The following FRMD4B variants were observed in gnomAD, a reference collection of about 807,000 sequenced individuals.
FRMD4B encodes FERM domain-containing protein 4B.
A neutral mutation model predicts 141.5 loss-of-function variants in FRMD4B; 74 were observed. The ratio of observed to expected loss-of-function variants is 0.52; its 90% CI spans 0.43 to 0.63. The LOEUF (loss-of-function observed/expected upper bound fraction) is 0.63, where lower values mean the gene tolerates loss of function less well. Ranked by LOEUF, FRMD4B falls within the 30% of genes least tolerant of loss-of-function variation. The pLI, the probability that FRMD4B is intolerant of heterozygous loss-of-function variation, is 0.00. For synonymous variants in FRMD4B, 506 were observed against 467.9 expected, an observed-to-expected ratio of 1.08 and a Z score of -1.05; for missense variants, 1,366 against 1,253.4, an observed-to-expected ratio of 1.09 and a Z score of -1.36.
intron 5 of FRMD4B, 21 bp from the exon 6 acceptor site, chr3:69,250,120 C>A (rs925785346): frequency 6.5e-7 from 1 of 1,536,006 alleles, no homozygotes; most frequent in African/African-American, 1.4e-5. Flanking sequence ...AAAAGGAAAG[C>A]ATCATTGAAC....
At chr3:69,455,574 C>T (rs1705587680) in intron 1 of FRMD4B, among the ~76,000 whole-genome samples, 1 of 152,122 alleles carries the variant, frequency 6.6e-6, no homozygotes, top group African/African-American at 2.4e-5. Context: ...TCCGACGGAA[C>T]ATCAGAAGGA....
intron 1 of FRMD4B, among the ~76,000 whole-genome samples, chr3:69,515,838 T>A (rs941580327): frequency 6.6e-6 from 1 of 152,220 alleles, no homozygotes; most frequent in African/African-American, 2.4e-5. Flanking sequence ...CAATGCTGGT[T>A]AATGTCATAC....
intron 1 of FRMD4B, among the ~76,000 whole-genome samples, chr3:69,517,650 A>T (rs1375753155): frequency 6.6e-6 from 1 of 152,160 alleles, no homozygotes; most frequent in Non-Finnish European, 1.5e-5. Context: ...TGCTGTGAAA[A>T]GAACCGGGCT....
chr3:69,280,427 T>G (rs902287073), intron 5 of FRMD4B, among the ~76,000 whole-genome samples: 1 of 152,164 alleles, frequency 6.6e-6, no homozygotes, highest in Non-Finnish European at 1.5e-5. Context: ...GCTAGTGCAC[T>G]CCTGAAATAT....
intron 1 of FRMD4B, among the ~76,000 whole-genome samples, chr3:69,377,441 T>C (rs1483887): frequency 0.64 from 96,789 of 152,164 alleles, 31,024 homozygotes; most frequent in East Asian, 0.68. Context: ...CTTCACTTTC[T>C]TCCTGCTGCC....
chr3:69,524,146 T>G (rs1700897878), intron 1 of FRMD4B, among the ~76,000 whole-genome samples: 1 of 152,236 alleles, frequency 6.6e-6, no homozygotes. Context: ...TTTCTAATCC[T>G]GCCTGACTTG....
At chr3:69,233,742 A>G (rs2093326915) in intron 7 of FRMD4B, among the ~76,000 whole-genome samples, 1 of 152,160 alleles carries the variant, frequency 6.6e-6, no homozygotes. Flanking sequence ...CAAGAACTCT[A>G]TTTAGTACTG....
At chr3:69,178,376 G>T (rs1160961854) in intron 21 of FRMD4B, among the ~76,000 whole-genome samples, 2 of 152,252 alleles carry the variant, frequency 1.3e-5, no homozygotes, top group African/African-American at 4.8e-5. Context: ...AGCCTTGGTG[G>T]TTAAGATGTT....
chr3:69,172,227 T>C (rs2092595462), intron 22 of FRMD4B, among the ~76,000 whole-genome samples: 1 of 152,228 alleles, frequency 6.6e-6, no homozygotes, highest in African/African-American at 2.4e-5. Flanking sequence ...TAACTTGTGT[T>C]TCATTGATCA....
At chr3:69,366,657 A>G (rs1044350924) in intron 1 of FRMD4B, among the ~76,000 whole-genome samples, 1 of 152,232 alleles carries the variant, frequency 6.6e-6, no homozygotes, top group Non-Finnish European at 1.5e-5. Context: ...AAATTTATTA[A>G]CATATGTTGC....
intron 1 of FRMD4B, among the ~76,000 whole-genome samples, chr3:69,456,902 G>T (rs906563115): frequency 1.4e-4 from 21 of 152,118 alleles, no homozygotes; most frequent in Non-Finnish European, 2.2e-4. Context: ...GCGCAGCTGA[G>T]TAGCTGCAAC....
chr3:69,338,378 G>T (rs1032927186), intron 1 of FRMD4B, among the ~76,000 whole-genome samples: 1 of 152,030 alleles, frequency 6.6e-6, no homozygotes, highest in African/African-American at 2.4e-5. Flanking sequence ...AATGGGTGCA[G>T]CACACCAACA....
At chr3:69,519,997 CATATATATATATAT>C (rs71618288) in intron 1 of FRMD4B, among the ~76,000 whole-genome samples, 1 of 88,388 alleles carries the variant, frequency 1.1e-5, no homozygotes, top group African/African-American at 5.1e-5. Context: ...AGTAGTATTC[CATATATATATATAT>C]ATATATATAT....
intron 11 of FRMD4B, among the ~76,000 whole-genome samples, chr3:69,207,304 C>G (rs1381085089): frequency 7.6e-5 from 2 of 26,462 alleles, no homozygotes; most frequent in African/African-American, 1.5e-4. Context: ...GAACCTATGT[C>G]TTTAAAAAAA....
chr3:69,371,252 G>T (rs1320537488), intron 1 of FRMD4B, among the ~76,000 whole-genome samples: 2 of 152,196 alleles, frequency 1.3e-5, no homozygotes, highest in African/African-American at 4.8e-5. Context: ...TGCTTGGCAG[G>T]TTTGAGGGAC....
chr3:69,382,250 G>A (rs1704136095), intron 1 of FRMD4B, among the ~76,000 whole-genome samples: 1 of 152,166 alleles, frequency 6.6e-6, no homozygotes, highest in Non-Finnish European at 1.5e-5. Flanking sequence ...ATGTTGGCCA[G>A]GCTGGTCTCG....
intron 1 of FRMD4B, among the ~76,000 whole-genome samples, chr3:69,346,073 A>G (rs1316866186): frequency 6.6e-6 from 1 of 152,102 alleles, no homozygotes; most frequent in African/African-American, 2.4e-5. Context: ...CAAAGAAGCT[A>G]AAATCCCTGA....
chr3:69,226,900 T>C lies in FRMD4B; in HGVS notation c.582-2210A>G, dbSNP rs567173126. ...GTACAAAACGGGTGACTTGAAGCTG[T>C]TGTCCTTAGTCCTATGTCCCTCAAA... On this transcript the variant is annotated intron_variant, in intron 7 of 22. Coordinates refer to ENST00000398540, the MANE Select transcript of FRMD4B (RefSeq NM_015123.3). Among the ~76,000 whole-genome samples the C allele has an allele frequency of 4.1e-4, 62 of 152,330 alleles. 1 individual carries two copies. The South Asian group carries it at 0.013, about 32-fold the overall frequency.
At chr3:69,325,085 AAAAGAAAGAAAG>A in intron 1 of FRMD4B, among the ~76,000 whole-genome samples, 1 of 80,006 alleles carries the variant, frequency 1.2e-5, no homozygotes, top group African/African-American at 4.7e-5. Flanking sequence ...TAAAAAAAAA[AAAAGAAAGAAAG>A]AAAGAAAGAA....
Sources: allele counts gnomAD v4.1 joint callset (sites outside exome capture counted in the v4.1 genomes callset), GRCh38; gene constraint gnomAD v4.1.1; transcripts MANE v1.5; gene names NCBI Gene and HGNC (gene_info 2026-07-23, HGNC 2026-07-21).